The following SYT17 variants were observed in gnomAD, a reference collection of about 807,000 sequenced individuals.
The protein encoded by SYT17 is synaptotagmin-17.
A neutral mutation model predicts 46.7 loss-of-function variants in SYT17; 22 were observed. The observed-to-expected ratio is 0.47, with a 90% confidence interval of 0.34 to 0.67. The LOEUF is 0.67. Among genes scored for constraint, SYT17 ranks in the 30% least tolerant of loss-of-function variants. The pLI is 0.01. For synonymous variants in SYT17, 251 were observed against 248.4 expected (o/e 1.01, Z -0.10); for missense variants, 519 against 612.8 (o/e 0.85, Z 1.62).
chr16:19,252,682 T>C (rs1230425563), intron 7 of SYT17, among the ~76,000 whole-genome samples: 1 of 150,152 alleles, frequency 6.7e-6, no homozygotes, highest in Non-Finnish European at 1.5e-5. Context: ...GAGGATTCTA[T>C]TCCTCAACTT....
Position 19,168,529 on chromosome 16 carries a change from C to A in SYT17, c.-118C>A, listed in dbSNP as rs985549166. 5.6e-6 allele frequency: 8 copies of A among 1,431,364 alleles called. No homozygotes were observed. In the African/African-American group the frequency reaches 7.3e-5, roughly 13 times the overall value. The allele number at this position is 1,431,364 out of a possible 1,614,324, so 88.7% of individuals were successfully genotyped here. On this transcript the variant is annotated 5_prime_UTR_variant, in exon 1 of 8. Transcript: ENST00000355377. The surrounding 1 kb of genome is among the most constrained non-coding windows in gnomAD (Gnocchi z 6.9). The stretch of plus-strand genomic sequence containing the variant: ...TCAGCCACGCCAGTCACGTCTGGGG[C>A]CACCGGCTGCCTTTTTCTTCCTTTC...
At position 19,168,455 on chromosome 16, in the gene SYT17, C is replaced by T. The variant is rs1423879291; in HGVS notation, c.-192C>T. 15 of 704,340 alleles carry T rather than the reference C, an allele frequency of 2.1e-5. No individual in the cohort carries two copies. Among genetic ancestry groups the T allele is most frequent in the Non-Finnish European group, 3.2e-5 (14 of 440,252 alleles). 43.6% of individuals were successfully genotyped at this position (704,340 alleles called of 1,614,324 possible). On this transcript the variant is annotated 5_prime_UTR_variant, in exon 1 of 8. Transcript: ENST00000355377. The surrounding 1 kb of genome is among the most constrained non-coding windows in gnomAD (Gnocchi z 6.9). ...GGCCCCGATTCCGAGAGCCGGAACG[C>T]AGGGAAAGGCAAGGACGGGGCGGCC...
chr16:19,176,686 C>T (rs142856970), intron 3 of SYT17, among the ~76,000 whole-genome samples: 1 of 152,192 alleles, frequency 6.6e-6, no homozygotes, highest in African/African-American at 2.4e-5. Context: ...GGTGGGCAGA[C>T]ATCACCCCTT....
At position 19,234,374 on chromosome 16, in the gene SYT17, T is replaced by C. The variant is rs147285116; in HGVS notation, c.1228+9536T>C. Among the ~76,000 whole-genome samples, 508 of 152,256 alleles carry C rather than the reference T, an allele frequency of 3.3e-3. 7 individuals are homozygous for C. The highest frequency in any genetic ancestry group is 0.012 in the African/African-American group (483 of 41,544). ...ATTCACCATTACCACCTAGACAGTG[T>C]ATGGGCATCGGGCAAACTATTCTTT... is the stretch of plus-strand genomic sequence containing the variant. On this transcript the variant is annotated intron_variant, in intron 7 of 7. Coordinates refer to ENST00000355377, the MANE Select transcript of SYT17 (RefSeq NM_016524.4).
At chr16:19,234,599 G>A (rs927599868) in intron 7 of SYT17, among the ~76,000 whole-genome samples, 1 of 152,168 alleles carries the variant, frequency 6.6e-6, no homozygotes, top group African/African-American at 2.4e-5. Context: ...TGCCATAGAA[G>A]AGCAGGACCT....
chr16:19,184,034 G>A lies in SYT17; in HGVS notation c.838G>A (p.Asp280Asn). Reference protein sequence around the residue: ...QRRTLLLTVVDFDKFSRHCVI... With the variant: ...QRRTLLLTVVNFDKFSRHCVI... ...GAGGACCCTGCTCCTGACCGTGGTGGATTTTGATAAGTTCTCCCGCCACTG... is the reference window on the plus strand; with the variant it reads ...GAGGACCCTGCTCCTGACCGTGGTGAATTTTGATAAGTTCTCCCGCCACTG... Residue 280 changes from aspartate (D) to asparagine (N), a missense_variant, in exon 5 of 8, where the codon GAT becomes AAT. Physicochemically the swap from Asp to Asn is conservative, Grantham distance 23. Transcript: ENST00000355377. 6.2e-7 allele frequency: 1 copy of A among 1,614,082 alleles called. No individual in the cohort carries two copies. Among genetic ancestry groups the A allele is most frequent in the Non-Finnish European group, 8.5e-7 (1 of 1,180,018 alleles).
At chr16:19,201,492 C>A (rs990913138) in intron 5 of SYT17, among the ~76,000 whole-genome samples, 7 of 152,062 alleles carry the variant, frequency 4.6e-5, no homozygotes, top group African/African-American at 1.7e-4. Flanking sequence ...AGCAAAAGAG[C>A]TTCTGACACT....
intron 7 of SYT17, among the ~76,000 whole-genome samples, chr16:19,229,335 A>G (rs541798597): frequency 6.6e-6 from 1 of 152,112 alleles, no homozygotes; most frequent in Non-Finnish European, 1.5e-5. Context: ...GCTTCCCAGG[A>G]GGCCTCAGGA....
chr16:19,210,759 T>C (rs979409327), intron 5 of SYT17, among the ~76,000 whole-genome samples: 4 of 152,190 alleles, frequency 2.6e-5, no homozygotes, highest in Admixed American at 6.5e-5. Flanking sequence ...ATAGACTTTA[T>C]CCAACCGGTG....
chr16:19,265,372 C>A (rs1290385409), intron 7 of SYT17, among the ~76,000 whole-genome samples: 1 of 152,226 alleles, frequency 6.6e-6, no homozygotes, highest in Admixed American at 6.5e-5. Context: ...AGGTACCCAT[C>A]CCTCTTGCTG....
Position 19,201,942 on chromosome 16 carries a change from A to G in SYT17, c.951+17795A>G, listed in dbSNP as rs550363431. 3.3e-5 allele frequency among the ~76,000 whole-genome samples: 5 copies of G among 152,330 alleles called. No individual in the cohort carries two copies. In the South Asian group the frequency reaches 1.0e-3, roughly 32 times the overall value. ...AGGGGGAAAAGTAGGAGTAAAAGCC[A>G]AAAAGCATAGTTTTCAAGAGTTCAG... is the stretch of plus-strand genomic sequence containing the variant. On this transcript the variant is annotated intron_variant, in intron 5 of 7. Transcript: ENST00000355377.
At chr16:19,200,653 T>G (rs900790255) in intron 5 of SYT17, among the ~76,000 whole-genome samples, 1 of 152,200 alleles carries the variant, frequency 6.6e-6, no homozygotes, top group East Asian at 1.9e-4. Flanking sequence ...TGATAGAGAA[T>G]CCAGTGGGTT....
intron 5 of SYT17, among the ~76,000 whole-genome samples, chr16:19,218,849 C>A (rs996450217): frequency 6.6e-6 from 1 of 152,200 alleles, no homozygotes; most frequent in African/African-American, 2.4e-5. Flanking sequence ...AACACACTGA[C>A]TGAGTGATGC....
intron 7 of SYT17, among the ~76,000 whole-genome samples, chr16:19,231,391 T>G (rs890144479): frequency 6.6e-6 from 1 of 151,706 alleles, no homozygotes; most frequent in Non-Finnish European, 1.5e-5. Context: ...GCCAACATGG[T>G]GTAACCCCAT....
intron 1 of SYT17, 163 bp from the exon 2 acceptor site, chr16:19,172,597 A>G: frequency 8.5e-6 from 13 of 1,528,626 alleles, no homozygotes; most frequent in Non-Finnish European, 1.1e-5. Context: ...TTAGGAAGTC[A>G]GCTCCCTTCC....
chr16:19,266,749 TA>T, intron 7 of SYT17, 130 bp from the exon 8 acceptor site: 1 of 750,602 alleles, frequency 1.3e-6, no homozygotes, highest in Non-Finnish European at 2.1e-6. Flanking sequence ...CAGCGTGCCC[TA>T]AACGATGACC....
At chr16:19,223,440 C>T (rs1016877092) in intron 6 of SYT17, among the ~76,000 whole-genome samples, 3 of 152,090 alleles carry the variant, frequency 2.0e-5, no homozygotes, top group Admixed American at 1.3e-4. Flanking sequence ...CTGCAGGTGG[C>T]GATAGTGTGC....
At chr16:19,186,015 C>T (rs1053060855) in intron 5 of SYT17, among the ~76,000 whole-genome samples, 69 of 152,268 alleles carry the variant, frequency 4.5e-4, no homozygotes, top group Non-Finnish European at 7.2e-4. Context: ...GAGTTAATCT[C>T]GGGGCTGCCA....
chr16:19,265,177 C>T (rs532144431), intron 7 of SYT17, among the ~76,000 whole-genome samples: 1 of 152,270 alleles, frequency 6.6e-6, no homozygotes, highest in South Asian at 2.1e-4. Flanking sequence ...TGAGTGTTAC[C>T]TGTTCAATTA....
Sources: allele counts gnomAD v4.1 joint callset (sites outside exome capture counted in the v4.1 genomes callset), GRCh38; gene constraint gnomAD v4.1.1; non-coding constraint Gnocchi (gnomAD v3.1); transcripts MANE v1.5; gene names NCBI Gene and HGNC (gene_info 2026-07-23, HGNC 2026-07-21).